Variants in SPATA31D1 observed in about 807,000 individuals in gnomAD.
SPATA31D1 encodes spermatogenesis-associated protein 31D1.
Under a neutral mutation model 13.2 loss-of-function variants are expected in SPATA31D1, and 6 were observed. That is an observed-to-expected ratio of 0.46 (90% CI 0.25 to 0.90). The LOEUF (loss-of-function observed/expected upper bound fraction) is 0.90. SPATA31D1 is among the 40% of genes least tolerant of loss of function. SPATA31D1 has a pLI of 0.18. For synonymous variants in SPATA31D1, 903 were observed against 718.8 expected, an observed-to-expected ratio of 1.26 and a Z score of -4.10; for missense variants, 2,445 against 1,884.7, an observed-to-expected ratio of 1.30 and a Z score of -5.50.
intron 3 of SPATA31D1, 40 bp from the exon 4 acceptor site, chr9:81,990,733 G>T: frequency 6.4e-7 from 1 of 1,564,174 alleles, no homozygotes; most frequent in Non-Finnish European, 8.7e-7. Context: ...CCCCTGCCAG[G>T]CTAACAAATC....
rs1316857579 is a variant in SPATA31D1, at chr9:81,988,929, G to A, written c.111G>A (p.Leu37=). The change falls in exon 1 of 4, where the codon TTG becomes TTA. Residue 37 remains leucine, a synonymous_variant. Coordinates refer to ENST00000344803, the MANE Select transcript of SPATA31D1 (RefSeq NM_001001670.3). ...TCATCTGCTTGAGTGGGTTGGGGTTGTTTATACTGTACTTGTTCTACGTGG... is the reference window on the plus strand; with the variant it reads ...TCATCTGCTTGAGTGGGTTGGGGTTATTTATACTGTACTTGTTCTACGTGG... ...PNFICLSGLG[L]FILYLFYVVL... 3 of 1,612,396 alleles carry A rather than the reference G, an allele frequency of 1.9e-6. No homozygotes were observed. The African/African-American group carries it at 4.0e-5, about 22-fold the overall frequency.
chr9:81,991,808 C>T lies in SPATA31D1; in HGVS notation c.1338C>T (p.Tyr446=). 1 of 1,613,770 alleles carries T rather than the reference C, an allele frequency of 6.2e-7. No individual in the cohort carries two copies. The highest frequency in any genetic ancestry group is 8.5e-7 in the Non-Finnish European group (1 of 1,179,726). Residue 446 remains tyrosine (Y), a synonymous_variant, in exon 4 of 4, where the codon TAC becomes TAT. Transcript: ENST00000344803. The stretch of plus-strand genomic sequence containing the variant: ...TCCCAAAACAACTTAGGCCAAACTA[C>T]CAACTAAATTCCTCACGGAATATGT... The part of the protein sequence containing the change: ...GSFPKQLRPN[Y]QLNSSRNMLT...
Position 81,990,997 on chromosome 9 carries a change from C to T in SPATA31D1, c.527C>T (p.Pro176Leu). ...TCATCGTTCACTCTGGCTTCCACCC[C>T]CTCAGCAACCCCTCCAGAAGACCTA... is the stretch of plus-strand genomic sequence containing the variant. ...TESSFTLAST[P>L]SATPPEDLIL... The change falls in exon 4 of 4, where the codon CCC (proline) becomes CTC (leucine). Residue 176 changes from proline to leucine, a missense_variant. Pro to Leu is a moderately conservative substitution (Grantham distance 98, BLOSUM62 -3). Transcript: ENST00000344803. 6.2e-7 allele frequency: 1 copy of T among 1,613,780 alleles called. No individual in the cohort carries two copies. Among genetic ancestry groups the T allele is most frequent in the Non-Finnish European group, 8.5e-7 (1 of 1,179,750 alleles).
chr9:81,990,010 ATTT>A (rs1824920266), intron 2 of SPATA31D1, 187 bp downstream of exon 2: 1 of 640,824 alleles, frequency 1.6e-6, no homozygotes, highest in African/African-American at 1.8e-5. Flanking sequence ...TGCTCTGCCC[ATTT>A]ACGGGCAGGA....
At position 81,994,043 on chromosome 9, in the gene SPATA31D1, T is replaced by C. The variant is rs1227215756; in HGVS notation, c.3573T>C (p.Val1191=). ...AAATTTTCCCACCAAGAATATCAGT[T>C]CCTCAAGATCCTAAATCATCATACC... ...ETEIFPPRIS[V]PQDPKSSYLK... The change falls in exon 4 of 4, where the codon GTT becomes GTC. Residue 1191 remains valine (V), a synonymous_variant. Transcript: ENST00000344803. 1.9e-6 allele frequency: 3 copies of C among 1,613,790 alleles called. No homozygotes were observed. The highest frequency in any genetic ancestry group is 2.5e-6 in the Non-Finnish European group (3 of 1,179,766).
At position 81,993,568 on chromosome 9, in the gene SPATA31D1, A is replaced by T; in HGVS notation, c.3098A>T (p.Gln1033Leu). Reference protein sequence around the residue: ...TSLRRGTTDFQSEKLDSTSSF... With the variant: ...TSLRRGTTDFLSEKLDSTSSF... ...CTTAGAAGAGGTACTACAGATTTTC[A>T]AAGCGAAAAATTAGATTCAACAAGC... Residue 1033 changes from glutamine (Q) to leucine (L), a missense_variant, in exon 4 of 4, where the codon CAA (glutamine) becomes CTA (leucine). By Grantham distance (113) the Gln-to-Leu change is moderately radical. Coordinates refer to ENST00000344803, the MANE Select transcript of SPATA31D1 (RefSeq NM_001001670.3). 2 of 1,613,928 alleles carry T rather than the reference A, an allele frequency of 1.2e-6. No homozygotes were observed. The highest frequency in any genetic ancestry group is 1.7e-6 in the Non-Finnish European group (2 of 1,179,856).
chr9:81,994,996 T>C lies in SPATA31D1; in HGVS notation c.4526T>C (p.Ile1509Thr). The C allele has an allele frequency of 1.9e-6, 3 of 1,613,952 alleles. No homozygotes were observed. Among genetic ancestry groups the C allele is most frequent in the Non-Finnish European group, 2.5e-6 (3 of 1,179,886 alleles). Reference sequence around the variant, plus strand: ...AAAGTTGAGGCATTTAAGGGGAAGATACTGTGTCAAAGCCATCCCCAATCC... The same window carrying C: ...AAAGTTGAGGCATTTAAGGGGAAGACACTGTGTCAAAGCCATCCCCAATCC... ...PQKVEAFKGKILCQSHPQSMP... is the reference protein window; with the variant it reads ...PQKVEAFKGKTLCQSHPQSMP... The change falls in exon 4 of 4, where the codon ATA becomes ACA. Residue 1509 changes from isoleucine to threonine, a missense_variant. Coordinates refer to ENST00000344803, the MANE Select transcript of SPATA31D1 (RefSeq NM_001001670.3).
In SPATA31D1 at chr9:81,992,674, C is replaced by T. The variant is rs907560592; in HGVS notation, c.2204C>T (p.Ser735Phe). The change falls in exon 4 of 4, where the codon TCT becomes TTT. Residue 735 changes from serine to phenylalanine, a missense_variant. Physicochemically the swap from Ser to Phe is radical, Grantham distance 155. Transcript: ENST00000344803. ...AGAATTCATGGACCGTTAAATATCT[C>T]TTTGGTTGAGGGTCAGAGGTGCAAT... is the stretch of plus-strand genomic sequence containing the variant. ...SERIHGPLNI[S>F]LVEGQRCNVL... The T allele has an allele frequency of 1.9e-6, 3 of 1,613,830 alleles. No individual in the cohort carries two copies. The highest frequency in any genetic ancestry group is 3.3e-5 in the Admixed American group (2 of 60,022).
At position 81,995,009 on chromosome 9, in the gene SPATA31D1, C is replaced by T; in HGVS notation, c.4539C>T (p.Ser1513=). 1 of 1,613,956 alleles carries T rather than the reference C, an allele frequency of 6.2e-7. No homozygotes were observed. Among genetic ancestry groups the T allele is most frequent in the Middle Eastern group, 1.6e-4 (1 of 6,062 alleles). The change falls in exon 4 of 4, where the codon AGC becomes AGT. Residue 1513 remains serine (S), a synonymous_variant. Coordinates refer to ENST00000344803, the MANE Select transcript of SPATA31D1 (RefSeq NM_001001670.3). The stretch of plus-strand genomic sequence containing the variant: ...TTAAGGGGAAGATACTGTGTCAAAG[C>T]CATCCCCAATCCATGCCCCACAGGA... ...EAFKGKILCQ[S]HPQSMPHRKP... is the part of the protein sequence containing the mutation.
Position 81,992,754 on chromosome 9 carries a change from A to G in SPATA31D1, c.2284A>G (p.Asn762Asp). The G allele has an allele frequency of 1.2e-6, 2 of 1,613,818 alleles. No homozygotes were observed. The highest frequency in any genetic ancestry group is 1.7e-6 in the Non-Finnish European group (2 of 1,179,730). The change falls in exon 4 of 4, where the codon AAT becomes GAT. Residue 762 changes from asparagine to aspartate, a missense_variant. By Grantham distance (23) the Asn-to-Asp change is conservative. Coordinates refer to ENST00000344803, the MANE Select transcript of SPATA31D1 (RefSeq NM_001001670.3). ...FPRSFHERSS[N>D]MLSMENVGNY... ...TAGAAGCTTCCACGAGAGGAGCTCA[A>G]ATATGCTTTCCATGGAGAATGTGGG...
chr9:81,990,542 C>A lies in SPATA31D1; in HGVS notation c.302+56C>A, dbSNP rs575306015. The A allele has an allele frequency of 8.7e-6, 13 of 1,497,786 alleles. 1 individual carries two copies. In the Admixed American group the frequency reaches 2.3e-4, roughly 27 times the overall value. The allele number at this position is 1,497,786 out of a possible 1,614,324, so 92.8% of individuals were successfully genotyped here. A position where few individuals can be genotyped will look rare whatever the true frequency, so the allele number is the denominator to read the frequency against. On this transcript the variant is annotated intron_variant, in intron 3 of 3. Transcript: ENST00000344803. ...CCACCCCACTCCTTCTTCTTTAGTA[C>A]GTTCTATTCATTTCAGGGATTCCTT...
At position 81,993,695 on chromosome 9, in the gene SPATA31D1, T is replaced by C; in HGVS notation, c.3225T>C (p.Leu1075=). The C allele has an allele frequency of 1.9e-6, 3 of 1,613,994 alleles. No individual in the cohort carries two copies. The highest frequency in any genetic ancestry group is 2.5e-6 in the Non-Finnish European group (3 of 1,179,892). The change falls in exon 4 of 4, where the codon CTT becomes CTC. Residue 1075 remains leucine, a synonymous_variant. Coordinates refer to ENST00000344803, the MANE Select transcript of SPATA31D1 (RefSeq NM_001001670.3). ...AATTCTCTGATACTGACAATGATCT[T>C]ACAGAAAGTGTCCGGACAACAGAGG... The part of the protein sequence containing the change: ...RREFSDTDND[L]TESVRTTEDG...
chr9:81,991,509 G>C lies in SPATA31D1; in HGVS notation c.1039G>C (p.Asp347His). 1 of 1,614,016 alleles carries C rather than the reference G, an allele frequency of 6.2e-7. No individual in the cohort carries two copies. Reference sequence around the variant, plus strand: ...CTCTGCCCCAACAATCAAAGGCATTGACCATTCACACCTTGCATCTTCAGA... The same window carrying C: ...CTCTGCCCCAACAATCAAAGGCATTCACCATTCACACCTTGCATCTTCAGA... ...STSAPTIKGI[D>H]HSHLASSEFT... The change falls in exon 4 of 4, where the codon GAC becomes CAC. Residue 347 changes from aspartate (D) to histidine (H), a missense_variant. Asp to His is a moderately conservative substitution (Grantham distance 81). Coordinates refer to ENST00000344803, the MANE Select transcript of SPATA31D1 (RefSeq NM_001001670.3).
chr9:81,992,973 A>T lies in SPATA31D1; in HGVS notation c.2503A>T (p.Ser835Cys). ...QLENALTVRL[S>C]KKFEEINEGR... ...TGAAAATGCCCTGACAGTACGTTTG[A>T]GCAAGAAATTTGAGGAAATCAATGA... The change falls in exon 4 of 4, where the codon AGC (serine) becomes TGC (cysteine). Residue 835 changes from serine (S) to cysteine (C), a missense_variant. Transcript: ENST00000344803. 6.2e-7 allele frequency: 1 copy of T among 1,613,794 alleles called. No individual in the cohort carries two copies. Among genetic ancestry groups the T allele is most frequent in the South Asian group, 1.1e-5 (1 of 91,074 alleles).
chr9:81,992,321 G>A lies in SPATA31D1; in HGVS notation c.1851G>A (p.Leu617=). 6.2e-7 allele frequency: 1 copy of A among 1,613,784 alleles called. No homozygotes were observed. Among genetic ancestry groups the A allele is most frequent in the South Asian group, 1.1e-5 (1 of 91,080 alleles). ...HRPQNEARSL[L]PSEINHLEWN... ...CCCAGAACGAGGCACGGTCTCTTTT[G>A]CCATCTGAAATTAACCATCTGGAGT... The change falls in exon 4 of 4, where the codon TTG becomes TTA. Residue 617 remains leucine, a synonymous_variant. Transcript: ENST00000344803.
In SPATA31D1 at chr9:81,990,501, C is replaced by T. The variant is rs1437775455; in HGVS notation, c.302+15C>T. On this transcript the variant is annotated intron_variant, in intron 3 of 3. Transcript: ENST00000344803. ...CTTCTGAAAAGGTGATTAATCTTTC[C>T]CTTTGTGTCCTGTTCCCACCCCACT... The T allele has an allele frequency of 3.1e-6, 5 of 1,591,972 alleles. No individual in the cohort carries two copies. The highest frequency in any genetic ancestry group is 4.3e-6 in the Non-Finnish European group (5 of 1,167,842).
rs758845622 is a variant in SPATA31D1, at chr9:81,994,050, G to C, written c.3580G>C (p.Asp1194His). The part of the protein sequence containing the change: ...IFPPRISVPQ[D>H]PKSSYLKNQM... ...CCCACCAAGAATATCAGTTCCTCAA[G>C]ATCCTAAATCATCATACCTTAAAAA... Residue 1194 changes from aspartate to histidine, a missense_variant, in exon 4 of 4, where the codon GAT becomes CAT. By Grantham distance (81) the Asp-to-His change is moderately conservative (BLOSUM62 -1). Coordinates refer to ENST00000344803, the MANE Select transcript of SPATA31D1 (RefSeq NM_001001670.3). The C allele has an allele frequency of 6.2e-7, 1 of 1,613,754 alleles. No homozygotes were observed. The highest frequency in any genetic ancestry group is 2.2e-5 in the East Asian group (1 of 44,880).
At position 81,992,284 on chromosome 9, in the gene SPATA31D1, GT is replaced by G; in HGVS notation, c.1818del (p.His607IlefsTer77). ...TTCCTGATTAGGATCTGTGGAGTGT[GT>G]TTTCATAGACCCCAGAACGAGGCAC... ...PLFLIRICGV[C>X]FHRPQNEARS... On this transcript the variant is annotated frameshift_variant, in exon 4 of 4. Coordinates refer to ENST00000344803, the MANE Select transcript of SPATA31D1 (RefSeq NM_001001670.3). LOFTEE classifies it low-confidence loss of function (END_TRUNC). The G allele has an allele frequency of 6.2e-7, 1 of 1,613,782 alleles. No individual in the cohort carries two copies. Among genetic ancestry groups the G allele is most frequent in the Non-Finnish European group, 8.5e-7 (1 of 1,179,726 alleles).
rs750421465 is a variant in SPATA31D1 at position 81,994,504 on chromosome 9, C to G, written c.4034C>G (p.Pro1345Arg). The G allele has an allele frequency of 1.2e-6, 2 of 1,613,502 alleles. No individual in the cohort carries two copies. The highest frequency in any genetic ancestry group is 2.2e-5 in the South Asian group (2 of 90,952). Reference protein sequence around the residue: ...KSSPTLKTQPPPENLFRKWMK... With the variant: ...KSSPTLKTQPRPENLFRKWMK... ...TCCCCAACCTTGAAAACACAGCCTC[C>G]TCCTGAAAACCTTTTCAGAAAATGG... The change falls in exon 4 of 4, where the codon CCT becomes CGT. Residue 1345 changes from proline to arginine, a missense_variant. Pro to Arg is a moderately radical substitution (Grantham distance 103). Transcript: ENST00000344803.
Sources: allele counts gnomAD v4.1 joint callset, GRCh38; gene constraint gnomAD v4.1.1; transcripts MANE v1.5; gene names NCBI Gene and HGNC (gene_info 2026-07-23, HGNC 2026-07-21).